Variants in DLGAP5 observed in about 807,000 individuals in gnomAD.
DLGAP5 encodes the protein disks large-associated protein 5.
DLGAP5 carries 90 observed loss-of-function variants against 99.6 expected under a neutral mutation model. That is an observed-to-expected ratio of 0.90 (90% CI 0.76 to 1.08). The LOEUF (loss-of-function observed/expected upper bound fraction) is 1.08, where lower values mean the gene tolerates loss of function less well. Among genes scored for constraint, DLGAP5 ranks in the 50% least tolerant of loss-of-function variants. The pLI, the probability that DLGAP5 is intolerant of heterozygous loss-of-function variation, is 0.00. For synonymous variants in DLGAP5, 311 were observed against 321.3 expected (o/e 0.97, Z 0.34); for missense variants, 1,036 against 983.5 (o/e 1.05, Z -0.71).
At chr14:55,154,843 T>C (rs78313577) in intron 14 of DLGAP5, 37 bp from the exon 15 acceptor site, 1 of 1,561,370 alleles carries the variant, frequency 6.4e-7, no homozygotes, top group African/African-American at 1.4e-5. Flanking sequence ...TACCAAATAG[T>C]TCTTTTGCTT....
At chr14:55,175,220 AT>A in intron 10 of DLGAP5, 125 bp downstream of exon 10, 1 of 777,024 alleles carries the variant, frequency 1.3e-6, no homozygotes, top group Non-Finnish European at 2.0e-6. Context: ...AATAATTAAA[AT>A]TTAAACGTGA....
chr14:55,170,344 A>G lies in DLGAP5; in HGVS notation c.1387+358T>C, dbSNP rs76225411. On this transcript the variant is annotated intron_variant, in intron 11 of 18. Coordinates refer to ENST00000247191, the MANE Select transcript of DLGAP5 (RefSeq NM_014750.5). The stretch of plus-strand genomic sequence containing the variant: ...TTCAGAGTATATTTTTGTGTAAACA[A>G]TATCAGATATCAATTGATATCACCC... Among the ~76,000 whole-genome samples the G allele has an allele frequency of 5.0e-3, 755 of 152,246 alleles. 28 individuals are homozygous for G. In the South Asian group the frequency reaches 0.064, roughly 13 times the overall value.
chr14:55,150,740 TATTC>T (rs1881985949), intron 18 of DLGAP5, 55 bp downstream of exon 18: 2 of 1,251,994 alleles, frequency 1.6e-6, no homozygotes, highest in Admixed American at 5.1e-5. Context: ...AGAAAAGCAA[TATTC>T]ATTTTATAAA....
intron 15 of DLGAP5, among the ~76,000 whole-genome samples, chr14:55,154,126 C>T (rs1480287695): frequency 2.0e-5 from 3 of 152,136 alleles, no homozygotes; most frequent in East Asian, 1.9e-4. Context: ...TTAACTCCCC[C>T]CCCTTCAATA....
chr14:55,151,712 G>T lies in DLGAP5; in HGVS notation c.2351C>A (p.Thr784Asn), dbSNP rs60954195. Residue 784 changes from threonine to asparagine, a missense_variant, in exon 17 of 19, where the codon ACT becomes AAT. Thr to Asn is a moderately conservative substitution (Grantham distance 65, BLOSUM62 0). Transcript: ENST00000247191. The stretch of plus-strand genomic sequence containing the variant: ...TATCTCACCTGACTGAGAAATTTTA[G>T]TTTCCCCTTCTTCTAAGATGCTATT... ...SQNSILEEGE[T>N]KISQSELFDN... 1 of 1,612,672 alleles carries T rather than the reference G, an allele frequency of 6.2e-7. No homozygotes were observed. The highest frequency in any genetic ancestry group is 8.5e-7 in the Non-Finnish European group (1 of 1,179,574).
At chr14:55,175,164 C>A (rs1053586988) in intron 10 of DLGAP5, among the ~76,000 whole-genome samples, 182 bp downstream of exon 10, 2 of 152,044 alleles carry the variant, frequency 1.3e-5, no homozygotes. Context: ...GTACCTTTTC[C>A]TACCCTTTGA....
rs1422241270 is a variant in DLGAP5, at chr14:55,154,644, GTCT to G, written c.2033_2035del (p.Lys678del). On this transcript the variant is annotated inframe_deletion, in exon 15 of 19. Coordinates refer to ENST00000247191, the MANE Select transcript of DLGAP5 (RefSeq NM_014750.5). ...GCTTTCAGGAATACTCAAAAACAAA[GTCT>G]TCTTCACATGTTCACTTTTCGTATT... 5 of 1,613,974 alleles carry G rather than the reference GTCT, an allele frequency of 3.1e-6. No homozygotes were observed. Among genetic ancestry groups the G allele is most frequent in the Non-Finnish European group, 4.2e-6 (5 of 1,179,956 alleles).
chr14:55,167,344 A>G (rs181063808), intron 12 of DLGAP5, among the ~76,000 whole-genome samples: 144 of 152,284 alleles, frequency 9.5e-4, no homozygotes, highest in African/African-American at 3.2e-3. Context: ...CACAGAATCT[A>G]ACAATCAGAA....
intron 18 of DLGAP5, among the ~76,000 whole-genome samples, chr14:55,150,077 A>T (rs1881964288): frequency 6.6e-6 from 1 of 151,038 alleles, no homozygotes; most frequent in Admixed American, 6.6e-5. Flanking sequence ...AAAGTCTGGG[A>T]TGGGGCTGAA....
rs149323762 is a variant in DLGAP5, at chr14:55,188,999, C to T, written c.181G>A (p.Val61Ile). ...CCTTGAGATGTCTCATCTAATTCAA[C>T]AAGAATTCTACCTTCCAAGGTTGGA... The part of the protein sequence containing the change: ...NIPTLEGRIL[V>I]ELDETSQGLV... Residue 61 changes from valine to isoleucine, a missense_variant, in exon 2 of 19, where the codon GTT becomes ATT. Transcript: ENST00000247191. 1.8e-4 allele frequency: 292 copies of T among 1,613,914 alleles called. 1 individual carries two copies. The highest frequency in any genetic ancestry group is 1.7e-3 in the Middle Eastern group (10 of 6,048).
chr14:55,175,958 C>A lies in DLGAP5; in HGVS notation c.1110G>T (p.Lys370Asn). Residue 370 changes from lysine to asparagine, a missense_variant, in exon 9 of 19, where the codon AAG becomes AAT. Physicochemically the swap from Lys to Asn is moderately conservative, Grantham distance 94. Transcript: ENST00000247191. ...LAQKCKTYST[K>N]TIQQDSNKLP... ...ATTTATTTGAATCTTGCTGTATTGT[C>A]TTGGTAGAGTAAGTTTTACATTTTT... 1 of 1,609,684 alleles carries A rather than the reference C, an allele frequency of 6.2e-7. No homozygotes were observed. Among genetic ancestry groups the A allele is most frequent in the South Asian group, 1.1e-5 (1 of 90,346 alleles).
At chr14:55,178,187 G>T (rs1234058025) in intron 7 of DLGAP5, among the ~76,000 whole-genome samples, 1 of 152,018 alleles carries the variant, frequency 6.6e-6, no homozygotes, top group Non-Finnish European at 1.5e-5. Context: ...GGGAGGTGGA[G>T]CTTGCAGTGA....
At chr14:55,187,775 A>C (rs1264639494) in intron 2 of DLGAP5, among the ~76,000 whole-genome samples, 2 of 152,208 alleles carry the variant, frequency 1.3e-5, no homozygotes, top group Non-Finnish European at 2.9e-5. Flanking sequence ...CTAGGGCTAC[A>C]GGCCTGACTC....
intron 14 of DLGAP5, among the ~76,000 whole-genome samples, chr14:55,155,313 C>G (rs1882171795): frequency 6.6e-6 from 1 of 150,412 alleles, no homozygotes; most frequent in Admixed American, 6.7e-5. Flanking sequence ...GTGTGAGCCA[C>G]TGCGCCAGGC....
At chr14:55,161,082 T>C (rs1292027590) in intron 13 of DLGAP5, among the ~76,000 whole-genome samples, 1 of 152,106 alleles carries the variant, frequency 6.6e-6, no homozygotes, top group Admixed American at 6.6e-5. Flanking sequence ...GAGGGATTAA[T>C]AAATAAGAGG....
In DLGAP5 at chr14:55,179,668, T is replaced by C. The variant is rs1181867352; in HGVS notation, c.735A>G (p.Lys245=). 1 of 1,612,588 alleles carries C rather than the reference T, an allele frequency of 6.2e-7. No homozygotes were observed. Among genetic ancestry groups the C allele is most frequent in the Non-Finnish European group, 8.5e-7 (1 of 1,179,408 alleles). ...ENEPEGKVPS[K]GRPAKNVETK... Reference sequence around the variant, plus strand: ...TTTCTACATTTTTGGCAGGTCTTCCTTTACTTGGCACCTTTCCTTCTGGTT... The same window carrying C: ...TTTCTACATTTTTGGCAGGTCTTCCCTTACTTGGCACCTTTCCTTCTGGTT... Residue 245 remains lysine, a synonymous_variant, in exon 7 of 19, where the codon AAA becomes AAG. Transcript: ENST00000247191.
intron 18 of DLGAP5, among the ~76,000 whole-genome samples, chr14:55,150,159 G>C (rs1881967273): frequency 6.6e-6 from 1 of 152,098 alleles, no homozygotes; most frequent in Non-Finnish European, 1.5e-5. Flanking sequence ...AGTATCAAAG[G>C]TATGAATCAG....
chr14:55,149,234 A>C (rs187287271), intron 18 of DLGAP5, among the ~76,000 whole-genome samples: 5 of 152,348 alleles, frequency 3.3e-5, no homozygotes, highest in Admixed American at 1.3e-4. Context: ...AACAACATAC[A>C]TTCTCAGAAT....
chr14:55,181,148 A>G, intron 5 of DLGAP5, 65 bp downstream of exon 5: 2 of 1,444,524 alleles, frequency 1.4e-6, no homozygotes, highest in South Asian at 1.2e-5. Flanking sequence ...GACCTTCAAG[A>G]CACTTAAAAA....
Sources: gnomAD v4.1 joint callset for allele counts (sites outside exome capture counted in the v4.1 genomes callset) on GRCh38, gnomAD v4.1.1 for gene constraint, MANE v1.5 for transcripts, NCBI Gene and HGNC (gene_info 2026-07-23, HGNC 2026-07-21) for gene names.